DISC1: variants seen among roughly 807,000 people sequenced by gnomAD.
The protein encoded by DISC1 is DISC1 scaffold protein.
A neutral mutation model predicts 84.5 loss-of-function variants in DISC1; 57 were observed. The ratio of observed to expected loss-of-function variants is 0.67; its 90% CI spans 0.55 to 0.84. DISC1 has a LOEUF of 0.84. Among genes scored for constraint, DISC1 ranks in the 40% least tolerant of loss-of-function variants. The pLI is 0.00. For missense variants in DISC1, 1,000 were observed against 1,057.8 expected (o/e 0.95, Z 0.76); for synonymous variants, 411 against 415.2 (o/e 0.99, Z 0.12).
At chr1:231,919,105 G>A (rs187654438) in intron 9 of DISC1, among the ~76,000 whole-genome samples, 29 of 152,244 alleles carry the variant, frequency 1.9e-4, no homozygotes, top group Non-Finnish European at 3.1e-4. Context: ...CAAAGTCTTC[G>A]TTGATGGATG....
At position 231,986,342 on chromosome 1, in the gene DISC1, G is replaced by A. The variant is rs971362824; in HGVS notation, c.2043-22443G>A. The stretch of plus-strand genomic sequence containing the variant: ...TTCAATGGATGCATAAGGCAGTGTA[G>A]GGGAACTGATTTTTAGGGAGCAATA... On this transcript the variant is annotated intron_variant, in intron 10 of 12. Coordinates refer to ENST00000439617, the MANE Select transcript of DISC1 (RefSeq NM_018662.3). Among the ~76,000 whole-genome samples the A allele has an allele frequency of 3.9e-5, 6 of 152,176 alleles. No individual in the cohort carries two copies. In the East Asian group the frequency reaches 9.6e-4, roughly 24 times the overall value.
intron 9 of DISC1, among the ~76,000 whole-genome samples, chr1:231,853,090 T>C (rs918026508): frequency 6.6e-6 from 1 of 152,176 alleles, no homozygotes; most frequent in Non-Finnish European, 1.5e-5. Context: ...CTTTTAAGAG[T>C]AACACTGCTT....
intron 10 of DISC1, among the ~76,000 whole-genome samples, chr1:231,990,061 A>G (rs1403849588): frequency 6.6e-6 from 1 of 151,544 alleles, no homozygotes; most frequent in African/African-American, 2.4e-5. Flanking sequence ...AGTCTTTCCA[A>G]CTCTTTCCAC....
intron 8 of DISC1, 37 bp from the exon 9 acceptor site, chr1:231,818,292 C>G (rs1403812109): frequency 6.2e-7 from 1 of 1,605,170 alleles, no homozygotes; most frequent in Admixed American, 1.7e-5. Context: ...TGCTGTAAAG[C>G]TTGTTTTCCC....
In DISC1 at chr1:232,009,442, A is replaced by G; in HGVS notation, c.2307+393A>G. On this transcript the variant is annotated intron_variant, in intron 11 of 12. Transcript: ENST00000439617. This position sits in a 1 kb window ranked among gnomAD's most constrained non-coding sequence, Gnocchi z 4.6. Reference sequence around the variant, plus strand: ...ATATATACTATACATTATGTATTGTATGTCATATATGATGTTTATATATTT... The same window carrying G: ...ATATATACTATACATTATGTATTGTGTGTCATATATGATGTTTATATATTT... 1 of 557,888 alleles carries G rather than the reference A, an allele frequency of 1.8e-6. No homozygotes were observed. Among genetic ancestry groups the G allele is most frequent in the Non-Finnish European group, 2.2e-6 (1 of 457,920 alleles). 34.6% of individuals were successfully genotyped at this position (557,888 alleles called of 1,614,324 possible).
At chr1:231,956,616 C>G (rs1339136808) in intron 9 of DISC1, among the ~76,000 whole-genome samples, 1 of 152,158 alleles carries the variant, frequency 6.6e-6, no homozygotes, top group Non-Finnish European at 1.5e-5. Context: ...CTAGTTACTA[C>G]AGCTGTGCAA....
chr1:232,003,175 A>G (rs950021808), intron 10 of DISC1, among the ~76,000 whole-genome samples: 14 of 152,346 alleles, frequency 9.2e-5, no homozygotes, highest in South Asian at 8.3e-4. Context: ...GGTTAAAACC[A>G]GCAATCCAAA....
At chr1:231,992,836 GTTCA>G (rs1453288851) in intron 10 of DISC1, among the ~76,000 whole-genome samples, 3 of 152,158 alleles carry the variant, frequency 2.0e-5, no homozygotes, top group Non-Finnish European at 4.4e-5. Context: ...TTCCCTGAGT[GTTCA>G]TTCAGTTCAT....
Position 231,927,948 on chromosome 1 carries a change from G to A in DISC1, c.1982-30880G>A, listed in dbSNP as rs59146233. ...GCCACTCTGTCTTTTGCAATTCCAG[G>A]GTGGGATGTGCATTGTCTACTTGGA... On this transcript the variant is annotated intron_variant, in intron 9 of 12. Transcript: ENST00000439617. 8.2e-3 allele frequency among the ~76,000 whole-genome samples: 1,241 copies of A among 152,262 alleles called. 23 individuals carry two copies. Among genetic ancestry groups the A allele is most frequent in the African/African-American group, 0.028 (1,173 of 41,542 alleles).
chr1:232,035,870 C>G (rs1217373093), intron 12 of DISC1, among the ~76,000 whole-genome samples: 1 of 152,162 alleles, frequency 6.6e-6, no homozygotes. Flanking sequence ...CAGACGAGAA[C>G]CCGTTTCTTA....
chr1:231,662,430 A>G (rs1337252871), intron 1 of DISC1, among the ~76,000 whole-genome samples: 6 of 152,186 alleles, frequency 3.9e-5, no homozygotes, highest in African/African-American at 9.7e-5. Flanking sequence ...AGTTCTGTTA[A>G]TAGAACCCTT....
intron 6 of DISC1, among the ~76,000 whole-genome samples, chr1:231,774,053 A>C (rs1003476459): frequency 6.6e-6 from 1 of 152,060 alleles, no homozygotes; most frequent in Non-Finnish European, 1.5e-5. Context: ...GCTTGAGTCC[A>C]GGAATTTGAC....
chr1:231,996,244 A>C (rs821657), intron 10 of DISC1, among the ~76,000 whole-genome samples: 54,238 of 151,858 alleles, frequency 0.36, 11,150 homozygotes, highest in African/African-American at 0.56. Context: ...GATATTAGCC[A>C]TTTGTCAGAT....
intron 9 of DISC1, among the ~76,000 whole-genome samples, chr1:231,831,852 G>T (rs1056352445): frequency 1.4e-4 from 2 of 14,630 alleles, no homozygotes; most frequent in African/African-American, 2.7e-4. Flanking sequence ...GAGGTAGTGG[G>T]GGGGGGTGGG....
chr1:231,741,272 T>C (rs1302244221), intron 3 of DISC1, among the ~76,000 whole-genome samples: 2 of 152,216 alleles, frequency 1.3e-5, no homozygotes, highest in Admixed American at 1.3e-4. Context: ...AAGGCCTGGA[T>C]GGGATAGTGC....
At chr1:231,931,693 G>A (rs1052561162) in intron 9 of DISC1, among the ~76,000 whole-genome samples, 1 of 147,676 alleles carries the variant, frequency 6.8e-6, no homozygotes, top group East Asian at 2.1e-4. Context: ...CTATCACCCA[G>A]GCTGGAGTGG....
At chr1:231,688,300 G>C (rs938067730) in intron 1 of DISC1, among the ~76,000 whole-genome samples, 16 of 152,124 alleles carry the variant, frequency 1.1e-4, no homozygotes, top group Non-Finnish European at 1.0e-4. Context: ...TAGTATTTCT[G>C]TGCCACCTTA....
chr1:231,688,489 C>T (rs957182406), intron 1 of DISC1, among the ~76,000 whole-genome samples: 8 of 152,182 alleles, frequency 5.3e-5, no homozygotes, highest in South Asian at 4.1e-4. Context: ...GTGTTTGTGA[C>T]GGCCCTCACT....
chr1:231,762,261 TCTTTC>T (rs149824291), intron 4 of DISC1, among the ~76,000 whole-genome samples: 328 of 55,350 alleles, frequency 5.9e-3, no homozygotes, highest in African/African-American at 0.013. Flanking sequence ...TTCTTTATTT[TCTTTC>T]CTTTCCTTTC....
Sources: gnomAD v4.1 joint callset for allele counts (sites outside exome capture counted in the v4.1 genomes callset) on GRCh38, gnomAD v4.1.1 for gene constraint, Gnocchi (gnomAD v3.1) non-coding constraint, MANE v1.5 for transcripts, NCBI Gene and HGNC (gene_info 2026-07-23, HGNC 2026-07-21) for gene names.